EXOC4: variants seen among roughly 807,000 people sequenced by gnomAD.
The protein encoded by EXOC4 is SEC8-like 1.
Under a neutral mutation model 107.2 loss-of-function variants are expected in EXOC4, and 71 were observed. That is an observed-to-expected ratio of 0.66 (90% CI 0.55 to 0.81). The LOEUF (loss-of-function observed/expected upper bound fraction) is 0.81, where lower values mean the gene tolerates loss of function less well. Ranked by LOEUF, EXOC4 falls within the 30% of genes least tolerant of loss-of-function variation. The probability of loss-of-function intolerance (pLI) is 0.00; values close to 1 mark genes in which losing one functional copy is unlikely to be tolerated. For synonymous variants in EXOC4, 456 were observed against 441.2 expected, an observed-to-expected ratio of 1.03 and a Z score of -0.42; for missense variants, 1,108 against 1,189.6, an observed-to-expected ratio of 0.93 and a Z score of 1.01.
At position 133,422,572 on chromosome 7, in the gene EXOC4, C is replaced by T. The variant is rs542066977; in HGVS notation, c.1182+47570C>T. Among the ~76,000 whole-genome samples the T allele has an allele frequency of 2.6e-4, 39 of 152,264 alleles. 3 individuals are homozygous for T. In the South Asian group the frequency reaches 7.9e-3, roughly 31 times the overall value. ...AGATGGGAGCCAGTGAAATTATAGT[C>T]AAACTGCATGAAGCTGATTTTAGAA... On this transcript the variant is annotated intron_variant, in intron 7 of 17. Transcript: ENST00000253861.
intron 17 of EXOC4, among the ~76,000 whole-genome samples, chr7:134,048,293 T>G (rs776562844): frequency 8.5e-5 from 13 of 152,226 alleles, no homozygotes; most frequent in Non-Finnish European, 1.2e-4. Flanking sequence ...ATTTTGAATC[T>G]TGTAGGTAAT....
At chr7:133,502,755 A>G (rs1274598714) in intron 9 of EXOC4, among the ~76,000 whole-genome samples, 1 of 152,192 alleles carries the variant, frequency 6.6e-6, no homozygotes, top group African/African-American at 2.4e-5. Flanking sequence ...CAAGGAATGC[A>G]ACATAATGAA....
chr7:133,382,904 T>C (rs1269575646), intron 7 of EXOC4, among the ~76,000 whole-genome samples: 2 of 152,180 alleles, frequency 1.3e-5, no homozygotes, highest in Admixed American at 1.3e-4. Flanking sequence ...CAGCGTGTTT[T>C]TGTCTGGAGA....
chr7:133,823,872 T>A (rs1312416565), intron 11 of EXOC4, among the ~76,000 whole-genome samples: 26 of 11,588 alleles, frequency 2.2e-3, no homozygotes, highest in Admixed American at 3.0e-3. Flanking sequence ...TATATATATA[T>A]TATATATATA....
At chr7:133,869,359 C>G (rs1798706090) in intron 11 of EXOC4, among the ~76,000 whole-genome samples, 1 of 152,138 alleles carries the variant, frequency 6.6e-6, no homozygotes, top group African/African-American at 2.4e-5. Flanking sequence ...CCTCCACTTA[C>G]TAGTTGTGTT....
chr7:133,636,592 A>G (rs1021254864), intron 10 of EXOC4, among the ~76,000 whole-genome samples: 10 of 152,206 alleles, frequency 6.6e-5, no homozygotes, highest in Admixed American at 6.5e-4. Flanking sequence ...TTGTAGTGAC[A>G]TGGCAGAGGC....
chr7:133,922,956 A>G (rs895370527), intron 13 of EXOC4, among the ~76,000 whole-genome samples: 6 of 149,848 alleles, frequency 4.0e-5, no homozygotes, highest in African/African-American at 1.5e-4. Flanking sequence ...TCTTGGAACT[A>G]TTTCACATAG....
chr7:134,037,151 A>T (rs1385126385), intron 17 of EXOC4, among the ~76,000 whole-genome samples: 1 of 152,182 alleles, frequency 6.6e-6, no homozygotes, highest in Admixed American at 6.5e-5. Flanking sequence ...GCAATATAGT[A>T]ACAAGAGGAG....
chr7:133,426,525 T>C (rs1029115185), intron 7 of EXOC4, among the ~76,000 whole-genome samples: 13 of 152,272 alleles, frequency 8.5e-5, no homozygotes, highest in Non-Finnish European at 1.5e-4. Context: ...TTTATTTACA[T>C]GGCTCAATTT....
intron 5 of EXOC4, among the ~76,000 whole-genome samples, chr7:133,319,439 G>T (rs1020826226): frequency 6.6e-5 from 10 of 152,148 alleles, no homozygotes; most frequent in African/African-American, 2.4e-4. Context: ...GTTGACTGGG[G>T]CTAGGAGCAT....
the EXOC4 span, among the ~76,000 whole-genome samples, chr7:134,073,794 C>G: frequency 0.022 from 3,310 of 152,196 alleles, 46 homozygotes; most frequent in Non-Finnish European, 0.032. Flanking sequence ...GAGAGGCTTC[C>G]CCTCCTTCAG....
chr7:133,268,007 A>G (rs1478415245), intron 1 of EXOC4, among the ~76,000 whole-genome samples: 2 of 152,212 alleles, frequency 1.3e-5, no homozygotes, highest in African/African-American at 2.4e-5. Flanking sequence ...TGGGCTAACA[A>G]TGTTGTGATT....
chr7:133,324,538 C>G (rs1258145247), intron 5 of EXOC4, among the ~76,000 whole-genome samples: 1 of 152,174 alleles, frequency 6.6e-6, no homozygotes, highest in South Asian at 2.1e-4. Context: ...GTTTCTTAAT[C>G]CTGAGTTCTA....
chr7:133,558,231 CTTT>C (rs1563107490), intron 9 of EXOC4, among the ~76,000 whole-genome samples: 4 of 145,680 alleles, frequency 2.7e-5, no homozygotes, highest in East Asian at 4.1e-4. Flanking sequence ...CTTTTCTTTT[CTTT>C]TCTTTTCTTT....
chr7:133,946,249 C>T (rs62470446), intron 14 of EXOC4, among the ~76,000 whole-genome samples: 43,300 of 152,010 alleles, frequency 0.28, 6,642 homozygotes, highest in Non-Finnish European at 0.34. Context: ...CTTTTATTGA[C>T]GATACCTTCC....
chr7:133,324,875 T>C (rs1214646539), intron 5 of EXOC4, among the ~76,000 whole-genome samples: 1 of 152,212 alleles, frequency 6.6e-6, no homozygotes, highest in African/African-American at 2.4e-5. Context: ...AAGGACTTGC[T>C]TTATGAATCT....
intron 5 of EXOC4, among the ~76,000 whole-genome samples, chr7:133,320,204 C>G (rs1407685025): frequency 6.6e-6 from 1 of 152,142 alleles, no homozygotes; most frequent in African/African-American, 2.4e-5. Context: ...CTCACACAAA[C>G]TTAGTGGCTT....
intron 10 of EXOC4, among the ~76,000 whole-genome samples, chr7:133,770,422 T>C (rs974103260): frequency 2.6e-5 from 4 of 151,952 alleles, no homozygotes; most frequent in Non-Finnish European, 4.4e-5. Flanking sequence ...AAAAAAGACA[T>C]GACAGTTGTT....
intron 9 of EXOC4, among the ~76,000 whole-genome samples, chr7:133,599,010 A>G (rs1348515337): frequency 2.0e-5 from 3 of 152,070 alleles, no homozygotes; most frequent in South Asian, 4.1e-4. Context: ...TAATTAATTA[A>G]TTAAAATAAA....
Sources: gnomAD v4.1 joint callset for allele counts (sites outside exome capture counted in the v4.1 genomes callset) on GRCh38, gnomAD v4.1.1 for gene constraint, MANE v1.5 for transcripts, NCBI Gene and HGNC (gene_info 2026-07-23, HGNC 2026-07-21) for gene names.